Variants in PTPRD observed in about 807,000 individuals in gnomAD.
PTPRD encodes protein tyrosine phosphatase receptor type D, also known as receptor-type tyrosine-protein phosphatase delta.
In PTPRD, 34 loss-of-function variants were observed where a neutral mutation model predicts 214.5. The observed-to-expected ratio is 0.16, with a 90% CI of 0.12 to 0.21. The LOEUF (loss-of-function observed/expected upper bound fraction) is 0.21, where lower values mean the gene tolerates loss of function less well. Among genes scored for constraint, PTPRD ranks in the 10% least tolerant of loss-of-function variants. The pLI is 1.00. For synonymous variants in PTPRD, 1,128 were observed against 845.7 expected, an observed-to-expected ratio of 1.33 and a Z score of -5.79; for missense variants, 2,545 against 2,398.7, an observed-to-expected ratio of 1.06 and a Z score of -1.27.
At chr9:10,351,005 C>T (rs2097172706) in intron 2 of PTPRD, among the ~76,000 whole-genome samples, 1 of 151,858 alleles carries the variant, frequency 6.6e-6, no homozygotes, top group Admixed American at 6.6e-5. Flanking sequence ...AAGAAAGGAG[C>T]CAAAGGTCAG....
chr9:10,110,755 C>T (rs111532844), intron 3 of PTPRD, among the ~76,000 whole-genome samples: 190 of 152,264 alleles, frequency 1.2e-3, no homozygotes, highest in Middle Eastern at 3.4e-3. Flanking sequence ...ACAGAAATAG[C>T]TCCTGGCTAA....
chr9:8,559,118 C>T (rs1236966112), intron 14 of PTPRD, among the ~76,000 whole-genome samples: 1 of 151,858 alleles, frequency 6.6e-6, no homozygotes, highest in South Asian at 2.1e-4. Context: ...TTTTAATTTT[C>T]CCAGAAAAGA....
chr9:9,215,508 A>G (rs1432287529), intron 9 of PTPRD, among the ~76,000 whole-genome samples: 2 of 152,132 alleles, frequency 1.3e-5, no homozygotes, highest in East Asian at 1.9e-4. Context: ...CCACTGCTCC[A>G]TGGGCTAAGC....
chr9:10,100,785 T>A (rs72694851), intron 3 of PTPRD, among the ~76,000 whole-genome samples: 7,963 of 151,678 alleles, frequency 0.052, 267 homozygotes, highest in Admixed American at 0.1. Context: ...TACCTATTGA[T>A]CCTATAAGCT....
chr9:8,837,967 A>T (rs2097472101), intron 11 of PTPRD, among the ~76,000 whole-genome samples: 1 of 152,188 alleles, frequency 6.6e-6, no homozygotes. Context: ...AGTAAGCCCC[A>T]TGTTTTGTGA....
chr9:8,426,785 A>C (rs1400184079), intron 35 of PTPRD, among the ~76,000 whole-genome samples: 1 of 148,532 alleles, frequency 6.7e-6, no homozygotes, highest in Non-Finnish European at 1.5e-5. Flanking sequence ...GTTAGTAAAG[A>C]AAATGTCTGA....
intron 9 of PTPRD, among the ~76,000 whole-genome samples, chr9:9,196,677 T>A (rs1211303323): frequency 6.6e-6 from 1 of 152,212 alleles, no homozygotes; most frequent in African/African-American, 2.4e-5. Flanking sequence ...CGTGAAATCA[T>A]GCATGCAAAA....
At chr9:9,949,131 A>T (rs1194404763) in intron 4 of PTPRD, among the ~76,000 whole-genome samples, 1 of 152,084 alleles carries the variant, frequency 6.6e-6, no homozygotes, top group Non-Finnish European at 1.5e-5. Context: ...GGAAGCAATT[A>T]TTTTATGTTT....
chr9:9,224,229 A>C (rs2099957996), intron 9 of PTPRD, among the ~76,000 whole-genome samples: 1 of 152,016 alleles, frequency 6.6e-6, no homozygotes, highest in Non-Finnish European at 1.5e-5. Flanking sequence ...AAGCCTAGGC[A>C]CATGACTCCT....
intron 11 of PTPRD, among the ~76,000 whole-genome samples, chr9:8,756,052 A>T (rs60115266): frequency 0.1 from 15,485 of 152,274 alleles, 1,803 homozygotes; most frequent in African/African-American, 0.28. Flanking sequence ...GGTAGAGGAA[A>T]AGATAATGAA....
At chr9:9,940,534 G>A (rs1457373640) in intron 4 of PTPRD, among the ~76,000 whole-genome samples, 5 of 152,128 alleles carry the variant, frequency 3.3e-5, no homozygotes, top group Non-Finnish European at 5.9e-5. Context: ...ATTCTAGACC[G>A]ATAACTTTTA....
intron 3 of PTPRD, among the ~76,000 whole-genome samples, chr9:10,187,755 G>C (rs1272698561): frequency 1.3e-5 from 2 of 152,206 alleles, no homozygotes; most frequent in Non-Finnish European, 2.9e-5. Flanking sequence ...TGCCACATCT[G>C]TAGAAATAAC....
intron 2 of PTPRD, among the ~76,000 whole-genome samples, chr9:10,588,385 A>T (rs1161630052): frequency 6.6e-6 from 1 of 151,290 alleles, no homozygotes; most frequent in Non-Finnish European, 1.5e-5. Context: ...AAGTATTCAA[A>T]CAGTCAATGT....
chr9:8,316,746 CAG>C lies in PTPRD; in HGVS notation c.*1126_*1127del, dbSNP rs142934678. On this transcript the variant is annotated 3_prime_UTR_variant, in exon 46 of 46. Transcript: ENST00000381196. ...GGTGGGGGTAGATTAGGTAGGAAAT[CAG>C]GGGGTGAGGTTTGACAATCAATCAC... The C allele has an allele frequency of 0.021, 4,796 of 231,290 alleles. 219 individuals are homozygous for C. The highest frequency in any genetic ancestry group is 0.098 in the African/African-American group (4,412 of 45,134). 14.3% of individuals were successfully genotyped at this position (231,290 alleles called of 1,614,324 possible).
intron 11 of PTPRD, among the ~76,000 whole-genome samples, chr9:9,008,323 G>C (rs796184467): frequency 7.9e-5 from 12 of 151,544 alleles, no homozygotes; most frequent in African/African-American, 2.9e-4. Flanking sequence ...CGCCTCCCCA[G>C]TTCATGTCAC....
At chr9:10,491,584 A>C (rs767866878) in intron 2 of PTPRD, among the ~76,000 whole-genome samples, 1 of 152,070 alleles carries the variant, frequency 6.6e-6, no homozygotes, top group South Asian at 2.1e-4. Context: ...AATGAGCAAA[A>C]ATATTTCCAC....
At chr9:10,550,405 G>C (rs2061060677) in intron 2 of PTPRD, among the ~76,000 whole-genome samples, 1 of 152,170 alleles carries the variant, frequency 6.6e-6, no homozygotes, top group Admixed American at 6.5e-5. Context: ...GGTGAAGTTA[G>C]TCTAGGATTT....
intron 9 of PTPRD, among the ~76,000 whole-genome samples, chr9:9,298,170 G>C (rs1408287409): frequency 2.0e-5 from 3 of 151,580 alleles, no homozygotes; most frequent in Admixed American, 6.6e-5. Flanking sequence ...TTAGGCAGTT[G>C]ATAAATTTAG....
chr9:10,468,564 G>C (rs1477334446), intron 2 of PTPRD, among the ~76,000 whole-genome samples: 1 of 152,086 alleles, frequency 6.6e-6, no homozygotes, highest in Non-Finnish European at 1.5e-5. Context: ...GGGTTGATGG[G>C]TGCAGCAAAC....
Sources: allele counts gnomAD v4.1 joint callset (sites outside exome capture counted in the v4.1 genomes callset), GRCh38; gene constraint gnomAD v4.1.1; transcripts MANE v1.5; gene names NCBI Gene and HGNC (gene_info 2026-07-23, HGNC 2026-07-21).